Variants in SNX14 observed in about 807,000 individuals in gnomAD.
SNX14 encodes the protein sorting nexin 14.
In SNX14, 93 loss-of-function variants were observed where a neutral mutation model predicts 133.8. That is an observed-to-expected ratio of 0.70 (90% CI 0.59 to 0.83). SNX14 has a LOEUF of 0.83. Among genes scored for constraint, SNX14 ranks in the 40% least tolerant of loss-of-function variants. SNX14 has a pLI of 0.00. For missense variants in SNX14, 945 were observed against 1,094.9 expected (o/e 0.86, Z 1.93); for synonymous variants, 368 against 365.6 (o/e 1.01, Z -0.07).
intron 17 of SNX14, 139 bp from the exon 18 acceptor site, chr6:85,533,939 C>A: frequency 1.4e-6 from 1 of 709,646 alleles, no homozygotes; most frequent in South Asian, 2.2e-5. Flanking sequence ...ATTAAATTTT[C>A]TACTGAAAAA....
chr6:85,517,809 G>A lies in SNX14; in HGVS notation c.2215C>T (p.Pro739Ser). The change falls in exon 23 of 29, where the codon CCA becomes TCA. Residue 739 changes from proline to serine, a missense_variant. Coordinates refer to ENST00000314673, the MANE Select transcript of SNX14 (RefSeq NM_153816.6). ...INSCESPKPK[P>S]SRPELTILSP... The stretch of plus-strand genomic sequence containing the variant: ...AGAATGGTCAGTTCTGGTCTACTTG[G>A]TTTAGGCTTTGGAGACTCACAAGAA... The A allele has an allele frequency of 6.2e-7, 1 of 1,611,986 alleles. No individual in the cohort carries two copies. The highest frequency in any genetic ancestry group is 8.5e-7 in the Non-Finnish European group (1 of 1,179,374).
chr6:85,578,907 G>A (rs1339158686), intron 1 of SNX14, among the ~76,000 whole-genome samples: 1 of 152,032 alleles, frequency 6.6e-6, no homozygotes, highest in Admixed American at 6.6e-5. Flanking sequence ...AGGCTGAGGC[G>A]GGCGGATCAC....
intron 12 of SNX14, among the ~76,000 whole-genome samples, chr6:85,546,139 T>G (rs995411177): frequency 2.0e-5 from 3 of 152,148 alleles, no homozygotes; most frequent in Non-Finnish European, 2.9e-5. Flanking sequence ...ATGAGACCAG[T>G]GATTGCTTTG....
intron 4 of SNX14, 184 bp from the exon 5 acceptor site, chr6:85,567,761 T>C (rs1794335075): frequency 5.3e-6 from 2 of 378,608 alleles, no homozygotes; most frequent in South Asian, 3.1e-5. Flanking sequence ...GGCAGGTGGA[T>C]GGCTTTAGCT....
At chr6:85,577,250 C>CTAAAAA (rs1797626949) in intron 1 of SNX14, among the ~76,000 whole-genome samples, 1 of 151,874 alleles carries the variant, frequency 6.6e-6, no homozygotes. Context: ...CGCATCTCTA[C>CTAAAAA]TAAAAATAAA....
intron 1 of SNX14, 80 bp from the exon 2 acceptor site, chr6:85,574,458 A>G (rs1796684148): frequency 9.8e-7 from 1 of 1,017,756 alleles, no homozygotes; most frequent in Admixed American, 2.6e-5. Context: ...CTTAACAAGC[A>G]TTCATTAAGC....
chr6:85,548,988 AG>A (rs142042965), intron 8 of SNX14, among the ~76,000 whole-genome samples: 105,718 of 146,032 alleles, frequency 0.72, 39,379 homozygotes, highest in African/African-American at 0.9. Flanking sequence ...AAAAAAAAAA[AG>A]AAAGAAAGAA....
At chr6:85,539,111 AAT>A (rs1782814116) in intron 15 of SNX14, among the ~76,000 whole-genome samples, 1 of 152,204 alleles carries the variant, frequency 6.6e-6, no homozygotes, top group African/African-American at 2.4e-5. Context: ...TTAAAAATTA[AAT>A]ATGTTTTCTC....
At chr6:85,574,166 TA>T in intron 2 of SNX14, 91 bp downstream of exon 2, 2 of 1,106,976 alleles carry the variant, frequency 1.8e-6, no homozygotes, top group Non-Finnish European at 1.2e-6. Flanking sequence ...TTTTGTAAAT[TA>T]AAAAAATATA....
intron 6 of SNX14, among the ~76,000 whole-genome samples, chr6:85,559,290 G>A (rs1443723842): frequency 6.6e-6 from 1 of 152,028 alleles, no homozygotes; most frequent in Non-Finnish European, 1.5e-5. Flanking sequence ...TGGCCACTTG[G>A]TACTCGCTTA....
chr6:85,517,722 A>G (rs1226721012), intron 23 of SNX14, 34 bp downstream of exon 23: 1 of 1,552,358 alleles, frequency 6.4e-7, no homozygotes, highest in Admixed American at 2.3e-5. Context: ...GGGCAACTTA[A>G]AACTTAATAG....
chr6:85,579,922 C>T (rs1310685628), intron 1 of SNX14, among the ~76,000 whole-genome samples: 1 of 152,188 alleles, frequency 6.6e-6, no homozygotes, highest in African/African-American at 2.4e-5. Flanking sequence ...ACTAGTGAGA[C>T]ATCCTGTGGG....
At chr6:85,563,251 T>C (rs1158901957) in intron 6 of SNX14, among the ~76,000 whole-genome samples, 3 of 152,148 alleles carry the variant, frequency 2.0e-5, no homozygotes, top group Non-Finnish European at 4.4e-5. Context: ...ATATTATATA[T>C]TAATAAATTC....
chr6:85,542,099 C>T (rs1297346147), intron 14 of SNX14, 56 bp from the exon 15 acceptor site: 15 of 1,195,776 alleles, frequency 1.3e-5, no homozygotes, highest in Non-Finnish European at 1.7e-5. Flanking sequence ...AACATTAAAA[C>T]ATGTTACCTT....
chr6:85,531,881 A>G (rs1328279805), intron 18 of SNX14, among the ~76,000 whole-genome samples: 2 of 152,138 alleles, frequency 1.3e-5, no homozygotes, highest in Non-Finnish European at 2.9e-5. Flanking sequence ...TTTTAAAATT[A>G]GCTGGGCGTG....
chr6:85,570,311 C>G (rs1795135356), intron 4 of SNX14, among the ~76,000 whole-genome samples: 1 of 116,738 alleles, frequency 8.6e-6, no homozygotes, highest in Non-Finnish European at 1.8e-5. Context: ...GGGTTTTATA[C>G]AAGTCCTTTC....
In SNX14 at chr6:85,519,482, G is replaced by T. The variant is rs113047664; in HGVS notation, c.2108-1434C>A. On this transcript the variant is annotated intron_variant, in intron 21 of 28. Transcript: ENST00000314673. The stretch of plus-strand genomic sequence containing the variant: ...CATCTCTACAGATATTTAAAAATTA[G>T]CCAGGTGTGCTGGTGTGTACCTGTA... Among the ~76,000 whole-genome samples the T allele has an allele frequency of 4.3e-3, 656 of 152,278 alleles. 7 individuals are homozygous for T. The highest frequency in any genetic ancestry group is 0.015 in the African/African-American group (624 of 41,556).
At chr6:85,516,458 A>G (rs985153357) in intron 23 of SNX14, among the ~76,000 whole-genome samples, 8 of 152,040 alleles carry the variant, frequency 5.3e-5, no homozygotes, top group African/African-American at 1.9e-4. Context: ...TCTTCCTACA[A>G]ACAAAACTGG....
At position 85,507,915 on chromosome 6, in the gene SNX14, C is replaced by T. The variant is rs61749066; in HGVS notation, c.2745+53G>A. On this transcript the variant is annotated intron_variant, in intron 27 of 28. Coordinates refer to ENST00000314673, the MANE Select transcript of SNX14 (RefSeq NM_153816.6). ...TAATGAGTTACCAGACACCTTACTACGTCGTTCACCAAACCTAGCCAGCAT... is the reference window on the plus strand; with the variant it reads ...TAATGAGTTACCAGACACCTTACTATGTCGTTCACCAAACCTAGCCAGCAT... 2.4e-3 allele frequency: 3,366 copies of T among 1,419,042 alleles called. 54 individuals carry two copies. The African/African-American group carries it at 0.039, about 17-fold the overall frequency. 87.9% of individuals were successfully genotyped at this position (1,419,042 alleles called of 1,614,324 possible). A position where few individuals can be genotyped will look rare whatever the true frequency, so the allele number is the denominator to read the frequency against.
Sources: allele counts gnomAD v4.1 joint callset (sites outside exome capture counted in the v4.1 genomes callset), GRCh38; gene constraint gnomAD v4.1.1; transcripts MANE v1.5; gene names NCBI Gene and HGNC (gene_info 2026-07-23, HGNC 2026-07-21).